The following NR1H4 variants were observed in gnomAD, a reference collection of about 807,000 sequenced individuals.
NR1H4 encodes bile acid receptor.
In NR1H4, 23 loss-of-function variants were observed where a neutral mutation model predicts 58.5. That is an observed-to-expected ratio of 0.39 (90% CI 0.28 to 0.56). NR1H4 has a LOEUF of 0.56. Among genes scored for constraint, NR1H4 ranks in the 20% least tolerant of loss-of-function variants. The pLI is 0.58. For synonymous variants in NR1H4, 214 were observed against 198.0 expected, an observed-to-expected ratio of 1.08 and a Z score of -0.68; for missense variants, 487 against 576.9, an observed-to-expected ratio of 0.84 and a Z score of 1.60.
chr12:100,550,701 A>G (rs1419085848), intron 9 of NR1H4, among the ~76,000 whole-genome samples: 1 of 151,120 alleles, frequency 6.6e-6, no homozygotes, highest in Non-Finnish European at 1.5e-5. Flanking sequence ...AATTAGCAAT[A>G]ACCTCTCAGA....
intron 3 of NR1H4, among the ~76,000 whole-genome samples, chr12:100,498,117 T>C (rs932679830): frequency 2.6e-5 from 4 of 152,184 alleles, no homozygotes; most frequent in Non-Finnish European, 5.9e-5. Flanking sequence ...GATAATAATG[T>C]CACACTTCAC....
At chr12:100,491,317 C>G (rs1953600487) in intron 1 of NR1H4, among the ~76,000 whole-genome samples, 1 of 151,810 alleles carries the variant, frequency 6.6e-6, no homozygotes, top group African/African-American at 2.4e-5. Context: ...GCTGCCCAGC[C>G]CTCTTGGGTT....
chr12:100,550,714 T>C (rs1385815395), intron 9 of NR1H4, among the ~76,000 whole-genome samples: 3 of 152,294 alleles, frequency 2.0e-5, no homozygotes, highest in Admixed American at 2.0e-4. Flanking sequence ...CTCTCAGAGA[T>C]CAAAGCAACT....
chr12:100,513,395 G>C (rs1421671676), intron 4 of NR1H4, among the ~76,000 whole-genome samples: 10 of 152,080 alleles, frequency 6.6e-5, no homozygotes, highest in Non-Finnish European at 1.5e-4. Flanking sequence ...TATATGAAGT[G>C]GCAGATCTTT....
At chr12:100,488,754 T>G (rs568980512) in intron 1 of NR1H4, among the ~76,000 whole-genome samples, 2 of 152,300 alleles carry the variant, frequency 1.3e-5, no homozygotes, top group African/African-American at 2.4e-5. Flanking sequence ...GCTGTGATAT[T>G]TAGATTTAAT....
chr12:100,556,122 A>G (rs1417411569), intron 9 of NR1H4, among the ~76,000 whole-genome samples: 2 of 152,200 alleles, frequency 1.3e-5, no homozygotes, highest in African/African-American at 2.4e-5. Context: ...AAAATATTTA[A>G]ACATTTATTG....
At chr12:100,492,825 G>A (rs12321994) in intron 2 of NR1H4, among the ~76,000 whole-genome samples, 188 bp downstream of exon 2, 19 of 152,056 alleles carry the variant, frequency 1.2e-4, no homozygotes, top group African/African-American at 4.3e-4. Context: ...AAAAATTCCA[G>A]TAGGAAGTGG....
intron 1 of NR1H4, among the ~76,000 whole-genome samples, chr12:100,480,084 C>T (rs1259571196): frequency 2.0e-5 from 3 of 152,142 alleles, no homozygotes; most frequent in African/African-American, 4.8e-5. Context: ...CTTTGTCTTA[C>T]CACTGTATTT....
intron 1 of NR1H4, among the ~76,000 whole-genome samples, chr12:100,483,289 T>G (rs11110391): frequency 0.16 from 24,260 of 152,096 alleles, 4,637 homozygotes; most frequent in African/African-American, 0.46. Flanking sequence ...AAAACTGAGG[T>G]TGATTAGTTT....
At chr12:100,549,072 C>T (rs909371067) in intron 9 of NR1H4, among the ~76,000 whole-genome samples, 8 of 152,102 alleles carry the variant, frequency 5.3e-5, no homozygotes, top group Non-Finnish European at 1.2e-4. Context: ...GGCACAGTGG[C>T]TCACACCTGT....
At chr12:100,498,530 C>T (rs199915026) in intron 3 of NR1H4, among the ~76,000 whole-genome samples, 4 of 151,654 alleles carry the variant, frequency 2.6e-5, no homozygotes, top group African/African-American at 7.3e-5. Flanking sequence ...CCCAGCTACT[C>T]GGGAGGCTGA....
In NR1H4 at chr12:100,536,991, C is replaced by T. The variant is rs748378207; in HGVS notation, c.875C>T (p.Thr292Met). Residue 292 changes from threonine (T) to methionine (M), a missense_variant, in exon 8 of 11, where the codon ACG becomes ATG. By Grantham distance (81) the Thr-to-Met change is moderately conservative. Transcript: ENST00000392986. ...FSAEENFLIL[T>M]EMATNHVQVL... is the part of the protein sequence containing the mutation. Reference sequence around the variant, plus strand: ...GCAGAAGAAAATTTTCTCATTTTGACGGAAATGGCAACCAATCATGTACAG... The same window carrying T: ...GCAGAAGAAAATTTTCTCATTTTGATGGAAATGGCAACCAATCATGTACAG... 5.1e-5 allele frequency: 81 copies of T among 1,601,588 alleles called. No homozygotes were observed. The Admixed American group carries it at 6.0e-4, about 12-fold the overall frequency.
intron 9 of NR1H4, among the ~76,000 whole-genome samples, chr12:100,550,460 G>T (rs1327088919): frequency 2.0e-5 from 3 of 152,118 alleles, no homozygotes; most frequent in Non-Finnish European, 4.4e-5. Flanking sequence ...CGCCTCCTGG[G>T]TTCAGGCAAT....
chr12:100,554,472 TAAA>T (rs1955279444), intron 9 of NR1H4, among the ~76,000 whole-genome samples: 1 of 151,544 alleles, frequency 6.6e-6, no homozygotes, highest in African/African-American at 2.4e-5. Context: ...AATTAGGAAA[TAAA>T]AACTTTTAAC....
chr12:100,542,624 TATC>T (rs1954964663), intron 9 of NR1H4, among the ~76,000 whole-genome samples: 1 of 152,158 alleles, frequency 6.6e-6, no homozygotes, highest in Admixed American at 6.5e-5. Context: ...TCTAAAGTCT[TATC>T]ATTAACAAAA....
chr12:100,548,289 C>A (rs966997993), intron 9 of NR1H4, among the ~76,000 whole-genome samples: 1 of 151,058 alleles, frequency 6.6e-6, no homozygotes, highest in African/African-American at 2.4e-5. Context: ...ATTGCTTGAA[C>A]CCGGAAGGCG....
At chr12:100,498,590 C>T (rs1286046821) in intron 3 of NR1H4, among the ~76,000 whole-genome samples, 5 of 151,272 alleles carry the variant, frequency 3.3e-5, no homozygotes, top group East Asian at 2.0e-4. Flanking sequence ...ATGAGATGGG[C>T]GACAGAGTGA....
At chr12:100,499,128 C>T (rs1414284941) in intron 3 of NR1H4, among the ~76,000 whole-genome samples, 7 of 152,118 alleles carry the variant, frequency 4.6e-5, no homozygotes, top group African/African-American at 1.4e-4. Flanking sequence ...TTAAATTGAA[C>T]GAATCTTCCA....
intron 4 of NR1H4, among the ~76,000 whole-genome samples, chr12:100,516,036 C>G (rs1954256724): frequency 6.6e-6 from 1 of 152,206 alleles, no homozygotes. Context: ...TTTGAGAATA[C>G]TGGCGTAAAA....
Sources: gnomAD v4.1 joint callset for allele counts (sites outside exome capture counted in the v4.1 genomes callset) on GRCh38, gnomAD v4.1.1 for gene constraint, MANE v1.5 for transcripts, NCBI Gene and HGNC (gene_info 2026-07-23, HGNC 2026-07-21) for gene names.